The following XKR9 variants were observed in gnomAD, a reference collection of about 807,000 sequenced individuals.
XKR9 encodes the protein XK related 9.
XKR9 carries 32 observed loss-of-function variants against 32.0 expected under a neutral mutation model. The ratio of observed to expected loss-of-function variants is 1.00; its 90% CI spans 0.76 to 1.34. The LOEUF (loss-of-function observed/expected upper bound fraction) is 1.34, where lower values mean the gene tolerates loss of function less well. XKR9 is among the 40% of genes most tolerant of loss of function. XKR9 has a pLI of 0.00. For missense variants in XKR9, 546 were observed against 429.7 expected, an observed-to-expected ratio of 1.27 and a Z score of -2.39; for synonymous variants, 168 against 143.4, an observed-to-expected ratio of 1.17 and a Z score of -1.22.
chr8:70,707,777 T>A (rs949753709), intron 4 of XKR9, among the ~76,000 whole-genome samples: 2 of 152,046 alleles, frequency 1.3e-5, no homozygotes, highest in African/African-American at 4.8e-5. Context: ...GGCCAATGTG[T>A]TTGCTGTTTT....
the XKR9 span, among the ~76,000 whole-genome samples, chr8:70,937,540 A>G: frequency 3.3e-5 from 5 of 152,036 alleles, no homozygotes; most frequent in Admixed American, 6.6e-5. Flanking sequence ...GATTTGTGTG[A>G]TGTTGAGGGA....
the XKR9 span, among the ~76,000 whole-genome samples, chr8:70,977,748 G>C: frequency 1.3e-5 from 2 of 152,162 alleles, no homozygotes; most frequent in African/African-American, 4.8e-5. Flanking sequence ...ATGTCTATTA[G>C]GTCTGCTTGT....
At chr8:70,953,327 A>T in the XKR9 span, among the ~76,000 whole-genome samples, 1 of 152,186 alleles carries the variant, frequency 6.6e-6, no homozygotes, top group Non-Finnish European at 1.5e-5. Flanking sequence ...TGTTACTATT[A>T]TTGAGACAGG....
At chr8:70,687,366 C>CTTTCTCT (rs1158924327) in intron 3 of XKR9, among the ~76,000 whole-genome samples, 1 of 103,836 alleles carries the variant, frequency 9.6e-6, no homozygotes, top group African/African-American at 3.8e-5. Flanking sequence ...TTCTCTCTTT[C>CTTTCTCT]CTTTCTTTCT....
At chr8:71,060,675 C>G in the XKR9 span, among the ~76,000 whole-genome samples, 4 of 152,082 alleles carry the variant, frequency 2.6e-5, no homozygotes, top group Non-Finnish European at 5.9e-5. Context: ...CTCTCACAAC[C>G]CTTCAAATGG....
At chr8:70,712,969 A>G (rs2132194262) in intron 4 of XKR9, among the ~76,000 whole-genome samples, 1 of 152,228 alleles carries the variant, frequency 6.6e-6, no homozygotes, top group Non-Finnish European at 1.5e-5. Flanking sequence ...AGGAAATAGG[A>G]AAAAAAATCA....
intron 4 of XKR9, among the ~76,000 whole-genome samples, chr8:70,724,316 G>A (rs1269997896): frequency 6.6e-6 from 1 of 152,074 alleles, no homozygotes; most frequent in Non-Finnish European, 1.5e-5. Flanking sequence ...AGCTTGCTGG[G>A]CTCCCTGGGT....
chr8:70,986,155 T>C, the XKR9 span, among the ~76,000 whole-genome samples: 2 of 152,194 alleles, frequency 1.3e-5, no homozygotes, highest in Admixed American at 6.5e-5. Context: ...AAAATAGTGA[T>C]TTTTGGAGTT....
In XKR9 at chr8:70,734,084, T is replaced by G; in HGVS notation, c.782T>G (p.Phe261Cys). 6.2e-7 allele frequency: 1 copy of G among 1,611,070 alleles called. No homozygotes were observed. Among genetic ancestry groups the G allele is most frequent in the Non-Finnish European group, 8.5e-7 (1 of 1,177,488 alleles). ...TTTTGTACTTGTATAAGTATGGAAT[T>G]CTTATATAGGATTGTTGTTGGATTC... ...TQFCTCISME[F>C]LYRIVVGFIL... The change falls in exon 5 of 5, where the codon TTC becomes TGC. Residue 261 changes from phenylalanine (F) to cysteine (C), a missense_variant. Transcript: ENST00000408926.
At chr8:70,747,015 G>C (rs1044564909) in intron 2 of XKR9, among the ~76,000 whole-genome samples, 23 of 152,052 alleles carry the variant, frequency 1.5e-4, no homozygotes, top group Non-Finnish European at 2.6e-4. Flanking sequence ...GAGAACATGT[G>C]GTTTTCTGTT....
chr8:71,009,135 T>G, the XKR9 span, among the ~76,000 whole-genome samples: 1 of 151,852 alleles, frequency 6.6e-6, no homozygotes, highest in Non-Finnish European at 1.5e-5. Context: ...TGTGGGGTCT[T>G]GGTGGGAAGA....
chr8:70,811,568 G>A, the XKR9 span, among the ~76,000 whole-genome samples: 54 of 151,682 alleles, frequency 3.6e-4, no homozygotes, highest in African/African-American at 1.1e-3. Flanking sequence ...AAGAAAAGAG[G>A]GAAGAATCAA....
chr8:70,935,090 C>T, the XKR9 span, among the ~76,000 whole-genome samples: 1 of 143,336 alleles, frequency 7.0e-6, no homozygotes, highest in African/African-American at 2.6e-5. Context: ...TATATCCTTC[C>T]TGTTTCTTCA....
intron 3 of XKR9, among the ~76,000 whole-genome samples, chr8:70,691,002 G>A (rs530743504): frequency 6.6e-6 from 1 of 152,246 alleles, no homozygotes; most frequent in East Asian, 1.9e-4. Flanking sequence ...GTTCCTCAAT[G>A]GTTGAACTAA....
chr8:71,019,497 A>G, the XKR9 span, among the ~76,000 whole-genome samples: 3 of 152,336 alleles, frequency 2.0e-5, no homozygotes, highest in South Asian at 6.2e-4. Flanking sequence ...CCAGCAGGTC[A>G]GTTGAGTAGC....
the XKR9 span, among the ~76,000 whole-genome samples, chr8:70,814,140 G>T: frequency 2.0e-5 from 3 of 152,152 alleles, no homozygotes; most frequent in Non-Finnish European, 4.4e-5. Flanking sequence ...CATGTCCTTT[G>T]CAGGGACATG....
chr8:70,842,248 T>G, the XKR9 span, among the ~76,000 whole-genome samples: 1 of 152,210 alleles, frequency 6.6e-6, no homozygotes, highest in African/African-American at 2.4e-5. Flanking sequence ...GGCCATAAGA[T>G]GCACCTTTAT....
At chr8:71,003,610 G>C in the XKR9 span, among the ~76,000 whole-genome samples, 20 of 152,124 alleles carry the variant, frequency 1.3e-4, no homozygotes, top group African/African-American at 4.8e-4. Context: ...TTGGGGGCTG[G>C]TTTACTGCTA....
the XKR9 span, among the ~76,000 whole-genome samples, chr8:70,821,923 A>G: frequency 6.6e-6 from 1 of 152,160 alleles, no homozygotes; most frequent in African/African-American, 2.4e-5. Flanking sequence ...GGTGATTAAC[A>G]TTTGATTCCT....
Sources: allele counts gnomAD v4.1 joint callset (sites outside exome capture counted in the v4.1 genomes callset), GRCh38; gene constraint gnomAD v4.1.1; transcripts MANE v1.5; gene names NCBI Gene and HGNC (gene_info 2026-07-23, HGNC 2026-07-21).